Variants in GRIK4 observed in about 807,000 individuals in gnomAD.
GRIK4 encodes the protein glutamate receptor ionotropic, kainate 4.
A neutral mutation model predicts 104.9 loss-of-function variants in GRIK4; 40 were observed. The observed-to-expected ratio is 0.38, with a 90% CI of 0.30 to 0.50. The LOEUF (loss-of-function observed/expected upper bound fraction) is 0.50, where lower values mean the gene tolerates loss of function less well. GRIK4 is among the 20% of genes least tolerant of loss of function. The pLI is 0.93. For missense variants in GRIK4, 1,047 were observed against 1,308.1 expected (o/e 0.80, Z 3.08); for synonymous variants, 485 against 524.9 (o/e 0.92, Z 1.04).
chr11:120,587,965 C>T (rs1271294302), intron 1 of GRIK4, among the ~76,000 whole-genome samples: 2 of 152,198 alleles, frequency 1.3e-5, no homozygotes, highest in African/African-American at 2.4e-5. Context: ...TCCAGCTCTG[C>T]AGGGCTCAGT....
intron 9 of GRIK4, among the ~76,000 whole-genome samples, chr11:120,865,394 C>T (rs1954380303): frequency 1.3e-5 from 2 of 152,208 alleles, no homozygotes; most frequent in Admixed American, 1.3e-4. Context: ...TGTGGGTCAG[C>T]GAGGGAGCAG....
chr11:120,817,162 A>G (rs1952983424), intron 5 of GRIK4, among the ~76,000 whole-genome samples: 1 of 150,114 alleles, frequency 6.7e-6, no homozygotes, highest in Non-Finnish European at 1.5e-5. Flanking sequence ...CCCCCACCAC[A>G]CAGTCTTTGC....
chr11:120,934,392 A>G (rs910435858), intron 13 of GRIK4, among the ~76,000 whole-genome samples: 1 of 152,014 alleles, frequency 6.6e-6, no homozygotes, highest in African/African-American at 2.4e-5. Flanking sequence ...TCCTCATGCC[A>G]TTCTCAGGAA....
At chr11:120,869,353 C>CA (rs1416875646) in intron 9 of GRIK4, 3 of 152,292 alleles carry the variant, frequency 2.0e-5, no homozygotes, top group African/African-American at 7.2e-5. Flanking sequence ...CTACGGGGGA[C>CA]ACGTCAGTGG....
chr11:120,604,169 C>T (rs1396564174), intron 1 of GRIK4, among the ~76,000 whole-genome samples: 1 of 72,662 alleles, frequency 1.4e-5, no homozygotes, highest in African/African-American at 6.2e-5. Flanking sequence ...GAGACTCCTT[C>T]TCAAAAAAAA....
chr11:120,730,450 T>C (rs1429593989), intron 3 of GRIK4, among the ~76,000 whole-genome samples: 2 of 152,226 alleles, frequency 1.3e-5, no homozygotes, highest in African/African-American at 4.8e-5. Context: ...TCTGTTTTTA[T>C]GCCAATACAA....
intron 3 of GRIK4, among the ~76,000 whole-genome samples, chr11:120,689,764 TA>T (rs1400964306): frequency 6.6e-6 from 1 of 152,150 alleles, no homozygotes; most frequent in African/African-American, 2.4e-5. Flanking sequence ...TCTGTTAAAA[TA>T]AATCACACTC....
intron 18 of GRIK4, among the ~76,000 whole-genome samples, chr11:120,963,921 T>G (rs1402448179): frequency 6.6e-6 from 1 of 151,994 alleles, no homozygotes; most frequent in Non-Finnish European, 1.5e-5. Context: ...GAGCCTACCT[T>G]GGGGTATATT....
rs536116033 is a variant in GRIK4, at chr11:120,826,954, C to T, written c.512-4898C>T. ...ACCGCACACCCTGAGGCATGGGCAC[C>T]TGGCAGGGGGAAGGGGAAGGTTTAG... On this transcript the variant is annotated intron_variant, in intron 6 of 20. Transcript: ENST00000527524. 8.0e-4 allele frequency among the ~76,000 whole-genome samples: 122 copies of T among 152,292 alleles called. No homozygotes were observed. The Middle Eastern group carries it at 0.01, about 13-fold the overall frequency.
At position 120,931,300 on chromosome 11, in the gene GRIK4, T is replaced by C. The variant is rs566585748; in HGVS notation, c.1477-9047T>C. Among the ~76,000 whole-genome samples the C allele has an allele frequency of 3.3e-5, 5 of 152,234 alleles. No individual in the cohort carries two copies. The South Asian group carries it at 1.0e-3, about 32-fold the overall frequency. On this transcript the variant is annotated intron_variant, in intron 13 of 20. Coordinates refer to ENST00000527524, the MANE Select transcript of GRIK4 (RefSeq NM_014619.5). ...GCAGGGACTGGAGAGAATGGCAGGC[T>C]AGGAGGTTTGGCAACACAAGGACTT...
chr11:120,791,347 C>T (rs1231037158), intron 3 of GRIK4, among the ~76,000 whole-genome samples: 1 of 152,148 alleles, frequency 6.6e-6, no homozygotes, highest in African/African-American at 2.4e-5. Context: ...TTGCATTTCC[C>T]CAGTGACTAA....
chr11:120,518,638 T>G (rs1249529006), intron 1 of GRIK4, among the ~76,000 whole-genome samples: 2 of 152,078 alleles, frequency 1.3e-5, no homozygotes, highest in African/African-American at 4.8e-5. Context: ...TTTTTAAATA[T>G]TTTGAGATGG....
intron 3 of GRIK4, among the ~76,000 whole-genome samples, chr11:120,683,463 C>CCATTTTTTTTTA (rs1565293113): frequency 6.6e-6 from 1 of 151,970 alleles, no homozygotes; most frequent in Non-Finnish European, 1.5e-5. Flanking sequence ...TGTAAAACAT[C>CCATTTTTTTTTA]CAAGTATAGA....
At chr11:120,604,960 T>G (rs1308391655) in intron 1 of GRIK4, among the ~76,000 whole-genome samples, 5 of 152,166 alleles carry the variant, frequency 3.3e-5, no homozygotes. Flanking sequence ...CCTTTTGGCT[T>G]TAAGAAATTA....
At chr11:120,971,652 G>C (rs1007161229) in intron 19 of GRIK4, among the ~76,000 whole-genome samples, 5 of 152,234 alleles carry the variant, frequency 3.3e-5, no homozygotes, top group African/African-American at 1.2e-4. Flanking sequence ...GATAGTTGCT[G>C]TAATGGTTGC....
At chr11:120,629,455 G>A (rs1949305390) in intron 1 of GRIK4, among the ~76,000 whole-genome samples, 1 of 152,132 alleles carries the variant, frequency 6.6e-6, no homozygotes, top group Non-Finnish European at 1.5e-5. Context: ...TGCCACTGCT[G>A]GTACGACTGC....
In GRIK4 at chr11:120,916,367, C is replaced by T. The variant is rs139424493; in HGVS notation, c.1476+10874C>T. 3.8e-4 allele frequency among the ~76,000 whole-genome samples: 58 copies of T among 152,236 alleles called. 1 individual carries two copies. The East Asian group carries it at 0.011, about 28-fold the overall frequency. On this transcript the variant is annotated intron_variant, in intron 13 of 20. Transcript: ENST00000527524. The stretch of plus-strand genomic sequence containing the variant: ...CTGTATTAGACATAGCAAAGTACAT[C>T]GTAAATGACTAGGAAGGTAGGGGCA...
At chr11:120,576,408 G>C (rs1447487845) in intron 1 of GRIK4, 3 of 152,204 alleles carry the variant, frequency 2.0e-5, no homozygotes, top group Non-Finnish European at 4.4e-5. Flanking sequence ...ACTTCAGGAA[G>C]ACCCCCCATT....
intron 9 of GRIK4, chr11:120,868,149 T>G (rs1439323895): frequency 6.6e-6 from 1 of 152,182 alleles, no homozygotes; most frequent in Non-Finnish European, 1.5e-5. Context: ...GGAGATATTC[T>G]TATTTTCATG....
Sources: gnomAD v4.1 joint callset for allele counts (sites outside exome capture counted in the v4.1 genomes callset) on GRCh38, gnomAD v4.1.1 for gene constraint, MANE v1.5 for transcripts, NCBI Gene and HGNC (gene_info 2026-07-23, HGNC 2026-07-21) for gene names.